The following CWC27 variants were observed in gnomAD, a reference collection of about 807,000 sequenced individuals.
CWC27 encodes the protein CWC27 spliceosome associated cyclophilin.
CWC27 carries 47 observed loss-of-function variants against 63.6 expected under a neutral mutation model. The observed-to-expected ratio is 0.74, with a 90% CI of 0.58 to 0.94. CWC27 has a LOEUF of 0.94. Ranked by LOEUF, CWC27 falls within the 40% of genes least tolerant of loss-of-function variation. The probability of loss-of-function intolerance (pLI) is 0.00; values close to 1 mark genes in which losing one functional copy is unlikely to be tolerated. For synonymous variants in CWC27, 175 were observed against 179.8 expected (o/e 0.97, Z 0.22); for missense variants, 495 against 554.3 (o/e 0.89, Z 1.07).
At chr5:64,886,383 G>A (rs1747072669) in intron 11 of CWC27, among the ~76,000 whole-genome samples, 1 of 151,920 alleles carries the variant, frequency 6.6e-6, no homozygotes, top group African/African-American at 2.4e-5. Context: ...CTCTTATAAT[G>A]TATACTAAGT....
At chr5:64,831,417 T>C (rs1745513036) in intron 10 of CWC27, among the ~76,000 whole-genome samples, 1 of 151,676 alleles carries the variant, frequency 6.6e-6, no homozygotes, top group African/African-American at 2.4e-5. Flanking sequence ...GTTTTTGGCC[T>C]CAGGACCCTT....
intron 4 of CWC27, among the ~76,000 whole-genome samples, chr5:64,784,848 T>A (rs542850804): frequency 6.6e-6 from 1 of 152,232 alleles, no homozygotes; most frequent in Non-Finnish European, 1.5e-5. Context: ...CAGCACAGCC[T>A]GTCTGATGTT....
chr5:64,872,609 A>AT (rs368675439), intron 10 of CWC27, among the ~76,000 whole-genome samples: 2,094 of 152,110 alleles, frequency 0.014, 29 homozygotes, highest in African/African-American at 0.038. Flanking sequence ...CCATATATTC[A>AT]TTTTTTTACA....
intron 3 of CWC27, among the ~76,000 whole-genome samples, chr5:64,782,868 A>G (rs1465432956): frequency 6.6e-6 from 1 of 152,190 alleles, no homozygotes; most frequent in East Asian, 1.9e-4. Flanking sequence ...TGTCACTTTT[A>G]GACTATTTTA....
intron 10 of CWC27, among the ~76,000 whole-genome samples, chr5:64,815,465 A>G (rs903106018): frequency 6.6e-6 from 1 of 152,208 alleles, no homozygotes; most frequent in African/African-American, 2.4e-5. Context: ...AGCAAGTTAT[A>G]TCGTTAAGCC....
chr5:64,893,224 G>A (rs555076418), intron 11 of CWC27, among the ~76,000 whole-genome samples: 1 of 152,312 alleles, frequency 6.6e-6, no homozygotes, highest in East Asian at 1.9e-4. Context: ...CCAGACTGCT[G>A]TCAAGACCTT....
chr5:64,807,975 A>T (rs887408806), intron 10 of CWC27: 86 of 1,406,654 alleles, frequency 6.1e-5, no homozygotes, highest in Middle Eastern at 2.6e-4. Flanking sequence ...CACTAAGGCC[A>T]TCTAGTTGAT....
chr5:64,888,399 ATATAT>A (rs1227953519), intron 11 of CWC27, among the ~76,000 whole-genome samples: 5 of 143,784 alleles, frequency 3.5e-5, no homozygotes, highest in Non-Finnish European at 7.5e-5. Context: ...TATAAATAAC[ATATAT>A]TATTTATTAT....
chr5:64,957,824 A>G (rs1176999758), intron 11 of CWC27, among the ~76,000 whole-genome samples: 1 of 152,174 alleles, frequency 6.6e-6, no homozygotes, highest in Non-Finnish European at 1.5e-5. Flanking sequence ...AAATAAGACA[A>G]TTAAGACCAG....
intron 11 of CWC27, among the ~76,000 whole-genome samples, chr5:64,920,747 GTC>G (rs1747980862): frequency 6.6e-6 from 1 of 152,154 alleles, no homozygotes; most frequent in Non-Finnish European, 1.5e-5. Context: ...CCATAGAGGT[GTC>G]TCTAATAGTT....
chr5:64,924,956 G>GAC (rs36083384), intron 11 of CWC27, among the ~76,000 whole-genome samples: 7,941 of 145,442 alleles, frequency 0.055, 280 homozygotes, highest in Admixed American at 0.1. Flanking sequence ...GTCTTTCTTA[G>GAC]ACACACACAC....
At position 64,971,831 on chromosome 5, in the gene CWC27, A is replaced by G; in HGVS notation, c.1152+19A>G. 6.7e-7 allele frequency: 1 copy of G among 1,486,104 alleles called. No homozygotes were observed. Among genetic ancestry groups the G allele is most frequent in the South Asian group, 1.2e-5 (1 of 84,882 alleles). 92.1% of individuals were successfully genotyped at this position (1,486,104 alleles called of 1,614,324 possible). On this transcript the variant is annotated intron_variant, in intron 12 of 13. Coordinates refer to ENST00000381070, the MANE Select transcript of CWC27 (RefSeq NM_005869.4). The stretch of plus-strand genomic sequence containing the variant: ...AGATCAGGTAACTTCAAAAACCCAA[A>G]TCCATACAGAACTTATTGTCTTTTT...
intron 11 of CWC27, among the ~76,000 whole-genome samples, chr5:64,897,425 G>T (rs1339697986): frequency 2.0e-5 from 3 of 152,170 alleles, no homozygotes; most frequent in African/African-American, 7.2e-5. Flanking sequence ...ATGAGTTCAT[G>T]TCCTTTGCAG....
rs533194888 is a variant in CWC27 at position 64,922,046 on chromosome 5, T to C, written c.1042+36500T>C. ...GGTGTTAGCCTGATGAGGTTTCCTT[T>C]GTAAGTGACCTGCTCTTTCTAATTG... is the stretch of plus-strand genomic sequence containing the variant. On this transcript the variant is annotated intron_variant, in intron 11 of 13. Transcript: ENST00000381070. 3.3e-5 allele frequency among the ~76,000 whole-genome samples: 5 copies of C among 152,354 alleles called. No individual in the cohort carries two copies. In the South Asian group the frequency reaches 1.0e-3, roughly 32 times the overall value.
chr5:64,912,073 C>CAAAA (rs1253684440), intron 11 of CWC27, among the ~76,000 whole-genome samples: 23 of 82,702 alleles, frequency 2.8e-4, no homozygotes, highest in Non-Finnish European at 3.8e-4. Context: ...GACTCTGTCT[C>CAAAA]AAAAAAAAAA....
intron 10 of CWC27, among the ~76,000 whole-genome samples, chr5:64,812,380 G>T (rs565820666): frequency 5.9e-5 from 9 of 152,192 alleles, no homozygotes; most frequent in Non-Finnish European, 8.8e-5. Flanking sequence ...GAACATTTCT[G>T]CTTCCTTTCA....
chr5:65,011,187 A>G (rs553950132), intron 13 of CWC27, among the ~76,000 whole-genome samples: 1 of 152,250 alleles, frequency 6.6e-6, no homozygotes, highest in South Asian at 2.1e-4. Flanking sequence ...TTACTTGAAT[A>G]GCCACTGCAT....
At chr5:64,900,231 C>G (rs1420411837) in intron 11 of CWC27, among the ~76,000 whole-genome samples, 3 of 152,170 alleles carry the variant, frequency 2.0e-5, no homozygotes, top group Non-Finnish European at 4.4e-5. Context: ...GTTAACACTT[C>G]GTGTGGTCAC....
intron 12 of CWC27, among the ~76,000 whole-genome samples, chr5:64,974,328 A>G (rs1164285543): frequency 6.6e-6 from 1 of 152,148 alleles, no homozygotes; most frequent in Non-Finnish European, 1.5e-5. Context: ...AAACTGGGGA[A>G]AAAAAGGAGG....
Sources: allele counts gnomAD v4.1 joint callset (sites outside exome capture counted in the v4.1 genomes callset), GRCh38; gene constraint gnomAD v4.1.1; transcripts MANE v1.5; gene names NCBI Gene and HGNC (gene_info 2026-07-23, HGNC 2026-07-21).